SPAG8: variants seen among roughly 807,000 people sequenced by gnomAD.
SPAG8 encodes sperm associated antigen 8.
SPAG8 carries 36 observed loss-of-function variants against 45.3 expected under a neutral mutation model. That is an observed-to-expected ratio of 0.80 (90% CI 0.61 to 1.05). SPAG8 has a LOEUF of 1.05. SPAG8 is among the 50% of genes least tolerant of loss of function. SPAG8 has a pLI of 0.00. For synonymous variants in SPAG8, 227 were observed against 232.6 expected (o/e 0.98, Z 0.22); for missense variants, 573 against 609.2 (o/e 0.94, Z 0.63).
At chr9:35,808,445 C>T, downstream of SPAG8, 1 of 1,554,016 alleles carries the variant, frequency 6.4e-7, no homozygotes, top group South Asian at 1.1e-5. The surrounding 1 kb of genome is among the most constrained non-coding windows in gnomAD (Gnocchi z 4.0). Flanking sequence ...GCTTGTCTCC[C>T]TCTACTTTTT....
rs1327677374 is a variant in SPAG8 at position 35,809,978 on chromosome 9, C to T, written c.1418G>A (p.Gly473Glu). 1.9e-5 allele frequency: 31 copies of T among 1,600,198 alleles called. No homozygotes were observed. The highest frequency in any genetic ancestry group is 2.6e-5 in the Non-Finnish European group (30 of 1,173,334). The change falls in exon 7 of 7, where the codon GGA becomes GAA. Residue 473 changes from glycine (G) to glutamate (E), a missense_variant. By Grantham distance (98) the Gly-to-Glu change is moderately conservative. Coordinates refer to ENST00000396638, the MANE Select transcript of SPAG8 (RefSeq NM_001039592.2). This position sits in a 1 kb window ranked among gnomAD's most constrained non-coding sequence, Gnocchi z 4.1. ...TCTCCCCCCTCCACCACCCAGCCTT[C>T]CTCCGGGACAGGGAAGGGAAGATAT... The part of the protein sequence containing the change: ...GEISSLPCPG[G>E]RLGGGGGRMT...
Position 35,810,993 on chromosome 9 carries a change from C to G in SPAG8, c.929G>C (p.Arg310Pro), listed in dbSNP as rs376359833. 2.5e-6 allele frequency: 4 copies of G among 1,613,836 alleles called. No homozygotes were observed. The highest frequency in any genetic ancestry group is 3.3e-5 in the Admixed American group (2 of 59,976). Residue 310 changes from arginine (R) to proline (P), a missense_variant, in exon 3 of 7, where the codon CGA (arginine) becomes CCA (proline). Arg to Pro is a moderately radical substitution (Grantham distance 103). Transcript: ENST00000396638. ...AGTCAGCAGTCCCCGGTGTCCGTGT[C>G]GGAAGAAAAAACTCTCAGAGCCATC... Reference protein sequence around the residue: ...MQDGSESFFFRHGHRGLLTMQ... With the variant: ...MQDGSESFFFPHGHRGLLTMQ...
rs559691858 is a variant in SPAG8, at chr9:35,811,364, A to G, written c.682T>C (p.Tyr228His). Residue 228 changes from tyrosine (Y) to histidine (H), a missense_variant, in exon 2 of 7, where the codon TAT becomes CAT. By Grantham distance (83) the Tyr-to-His change is moderately conservative (BLOSUM62 2). Transcript: ENST00000396638. Reference protein sequence around the residue: ...RNLVADRVPNYTSWSQHCPWE... With the variant: ...RNLVADRVPNHTSWSQHCPWE... ...GGGCAGTGCTGACTCCAGGAGGTAT[A>G]GTTAGGGACCCGATCTGCCACCAGG... 1.2e-5 allele frequency: 19 copies of G among 1,614,134 alleles called. No individual in the cohort carries two copies. In the East Asian group the frequency reaches 3.1e-4, roughly 26 times the overall value.
chr9:35,809,273 G>C (rs367545714), downstream of SPAG8: 2 of 1,608,556 alleles, frequency 1.2e-6, no homozygotes, highest in Non-Finnish European at 1.7e-6. This position sits in a 1 kb window ranked among gnomAD's most constrained non-coding sequence, Gnocchi z 4.1. Flanking sequence ...GGGGAGGGGG[G>C]CATGGAAAGG....
chr9:35,809,128 A>G, downstream of SPAG8: 2 of 1,585,170 alleles, frequency 1.3e-6, no homozygotes, highest in Non-Finnish European at 1.7e-6. The surrounding 1 kb of genome is among the most constrained non-coding windows in gnomAD (Gnocchi z 4.1). Flanking sequence ...TCCTCATTCC[A>G]CCATCCTCCC....
At position 35,810,141 on chromosome 9, in the gene SPAG8, G is replaced by A. The variant is rs897336755; in HGVS notation, c.1264-9C>T. On this transcript the variant is annotated splice_polypyrimidine_tract_variant and intron_variant, in intron 6 of 6. Transcript: ENST00000396638. The stretch of plus-strand genomic sequence containing the variant: ...CTGATGTTACTGACACCCTGGAGGA[G>A]TGCCAGGATGAGGATGGATCCCACT... 4 of 1,608,866 alleles carry A rather than the reference G, an allele frequency of 2.5e-6. No homozygotes were observed. Among genetic ancestry groups the A allele is most frequent in the South Asian group, 2.2e-5 (2 of 90,818 alleles).
In SPAG8 at chr9:35,811,460, C is replaced by T. The variant is rs1284002892; in HGVS notation, c.586G>A (p.Ala196Thr). 1.2e-6 allele frequency: 2 copies of T among 1,613,512 alleles called. No homozygotes were observed. Among genetic ancestry groups the T allele is most frequent in the East Asian group, 2.2e-5 (1 of 44,872 alleles). ...CCAGTGTCTGGACCAGGCCCAGAGG[C>T]AGGACCAGGATGAGAGCCAGAGCCA... ...GHGSGSHPGP[A>T]SGPGPDTGPD... The change falls in exon 2 of 7, where the codon GCC becomes ACC. Residue 196 changes from alanine to threonine, a missense_variant. Physicochemically the swap from Ala to Thr is moderately conservative, Grantham distance 58. Coordinates refer to ENST00000396638, the MANE Select transcript of SPAG8 (RefSeq NM_001039592.2).
In SPAG8 at chr9:35,811,558, G is replaced by T. The variant is rs765424874; in HGVS notation, c.488C>A (p.Pro163His). The change falls in exon 2 of 7, where the codon CCT becomes CAT. Residue 163 changes from proline to histidine, a missense_variant. Pro to His is a moderately conservative substitution (Grantham distance 77, BLOSUM62 -2). Transcript: ENST00000396638. Reference sequence around the variant, plus strand: ...AGAGCCAGGGACAGAGCCACAGCCAGGACCAGAGCCAGAGCCAGAGCCATG... The same window carrying T: ...AGAGCCAGGGACAGAGCCACAGCCATGACCAGAGCCAGAGCCAGAGCCATG... The part of the protein sequence containing the change: ...AGHGSGSGSG[P>H]GCGSVPGSGS... 3 of 1,611,608 alleles carry T rather than the reference G, an allele frequency of 1.9e-6. No individual in the cohort carries two copies. The highest frequency in any genetic ancestry group is 2.5e-6 in the Non-Finnish European group (3 of 1,178,484).
rs775179425 is a variant in SPAG8, at chr9:35,811,514, C to T, written c.532G>A (p.Gly178Ser). 1 of 1,606,118 alleles carries T rather than the reference C, an allele frequency of 6.2e-7. No individual in the cohort carries two copies. The highest frequency in any genetic ancestry group is 1.1e-5 in the South Asian group (1 of 90,390). ...CCAGGACCAGAGCCAGGACCAGAGC[C>T]AGGACCAGGACCAGAGCCAGAGCCA... ...VPGSGSGPGP[G>S]SGPGSGPGHG... Residue 178 changes from glycine (G) to serine (S), a missense_variant, in exon 2 of 7, where the codon GGC becomes AGC. By Grantham distance (56) the Gly-to-Ser change is moderately conservative. Transcript: ENST00000396638.
downstream of SPAG8, chr9:35,808,604 A>G (rs756992679): frequency 1.9e-6 from 3 of 1,614,068 alleles, no homozygotes. The surrounding 1 kb of genome is among the most constrained non-coding windows in gnomAD (Gnocchi z 4.0). Context: ...TGGCCCTAGC[A>G]TTACTAGATG....
chr9:35,809,066 C>A (rs79072753), downstream of SPAG8: 57 of 1,275,052 alleles, frequency 4.5e-5, no homozygotes, highest in African/African-American at 8.0e-4. This position sits in a 1 kb window ranked among gnomAD's most constrained non-coding sequence, Gnocchi z 4.1. Flanking sequence ...GATGGTTGGT[C>A]GGGCACGGTG....
At chr9:35,809,492 G>A (rs762037268), downstream of SPAG8, 19 of 1,613,822 alleles carry the variant, frequency 1.2e-5, no homozygotes, top group Non-Finnish European at 5.9e-6. This position sits in a 1 kb window ranked among gnomAD's most constrained non-coding sequence, Gnocchi z 4.1. Flanking sequence ...CTGGTACCTG[G>A]GTGGGCAATG....
downstream of SPAG8, chr9:35,809,070 C>A: frequency 7.7e-7 from 1 of 1,300,518 alleles, no homozygotes; most frequent in Non-Finnish European, 1.1e-6. This position sits in a 1 kb window ranked among gnomAD's most constrained non-coding sequence, Gnocchi z 4.1. Flanking sequence ...GTTGGTCGGG[C>A]ACGGTGCTAT....
rs1057299854 is a variant in SPAG8 at position 35,809,835 on chromosome 9, T to C, written c.*103A>G. 9.1e-6 allele frequency: 14 copies of C among 1,536,292 alleles called. No homozygotes were observed. The highest frequency in any genetic ancestry group is 1.3e-5 in the South Asian group (1 of 77,706). On this transcript the variant is annotated 3_prime_UTR_variant, in exon 7 of 7. Transcript: ENST00000396638. The surrounding 1 kb of genome is among the most constrained non-coding windows in gnomAD (Gnocchi z 4.1). ...TCTTGGGATGAGAGAGAACCCTTTA[T>C]GTAAAGCCTCTTCAAGTACAGTGAG... is the stretch of plus-strand genomic sequence containing the variant.
rs146145843 is a variant in SPAG8, at chr9:35,811,668, G to A, written c.378C>T (p.Cys126=). Residue 126 remains cysteine, a synonymous_variant, in exon 2 of 7, where the codon TGC becomes TGT. Transcript: ENST00000396638. The part of the protein sequence containing the change: ...VYVSCIAQDT[C]TTTDHSSNPG... Reference sequence around the variant, plus strand: ...GATTAGAACTATGGTCAGTTGTAGTGCAAGTGTCCTGAGCAATACAGGAAA... The same window carrying A: ...GATTAGAACTATGGTCAGTTGTAGTACAAGTGTCCTGAGCAATACAGGAAA... 3.1e-5 allele frequency: 50 copies of A among 1,614,236 alleles called. 1 individual carries two copies. In the African/African-American group the frequency reaches 5.9e-4, roughly 19 times the overall value.
downstream of SPAG8, chr9:35,808,214 C>T (rs749398412): frequency 1.2e-6 from 2 of 1,614,174 alleles, no homozygotes; most frequent in Admixed American, 3.3e-5. The surrounding 1 kb of genome is among the most constrained non-coding windows in gnomAD (Gnocchi z 4.0). Flanking sequence ...TTCTTGCTTC[C>T]CATTTCCTGA....
In SPAG8 at chr9:35,811,916, G is replaced by A. The variant is rs759136478; in HGVS notation, c.130C>T (p.Leu44=). The part of the protein sequence containing the change: ...PSSDDSPRSA[L]AAATAAAAAA... ...GCAGCTGCTGCGGTTGCAGCTGCCA[G>A]GGCCGACCTGGGACTGTCATCTGAA... Residue 44 remains leucine, a synonymous_variant, in exon 2 of 7, where the codon CTG becomes TTG. Coordinates refer to ENST00000396638, the MANE Select transcript of SPAG8 (RefSeq NM_001039592.2). 6.8e-6 allele frequency: 11 copies of A among 1,608,888 alleles called. No individual in the cohort carries two copies. Among genetic ancestry groups the A allele is most frequent in the Non-Finnish European group, 9.4e-6 (11 of 1,176,234 alleles).
In SPAG8 at chr9:35,812,234, T is replaced by C. The variant is rs1000949573; in HGVS notation, c.-87A>G. 1.5e-5 allele frequency: 22 copies of C among 1,494,428 alleles called. No homozygotes were observed. In the Admixed American group the frequency reaches 2.2e-4, roughly 15 times the overall value. The allele number at this position is 1,494,428 out of a possible 1,614,324, so 92.6% of individuals were successfully genotyped here. On this transcript the variant is annotated 5_prime_UTR_variant, in exon 1 of 7. Transcript: ENST00000396638. ...AAGTACAGCTGGGCGGACTTGCAGGTGGCGGTGGAGGCAAGTCCTCTGCGG... is the reference window on the plus strand; with the variant it reads ...AAGTACAGCTGGGCGGACTTGCAGGCGGCGGTGGAGGCAAGTCCTCTGCGG...
At chr9:35,810,332 A>G (rs1828713571) in intron 5 of SPAG8, 23 bp from the exon 6 acceptor site, 1 of 1,612,394 alleles carries the variant, frequency 6.2e-7, no homozygotes, top group African/African-American at 1.3e-5. Context: ...GTACTGAGTA[A>G]CTCCTGGCCT....
Sources: gnomAD v4.1 joint callset for allele counts on GRCh38, gnomAD v4.1.1 for gene constraint, Gnocchi (gnomAD v3.1) non-coding constraint, MANE v1.5 for transcripts, NCBI Gene and HGNC (gene_info 2026-07-23, HGNC 2026-07-21) for gene names.